BRD7: variants seen among roughly 807,000 people sequenced by gnomAD.
The protein encoded by BRD7 is bromodomain containing 7.
BRD7 carries 15 observed loss-of-function variants against 82.1 expected under a neutral mutation model. The observed-to-expected ratio is 0.18, with a 90% confidence interval of 0.12 to 0.28. The LOEUF is 0.28. Ranked by LOEUF, BRD7 falls within the 10% of genes least tolerant of loss-of-function variation. The probability of loss-of-function intolerance (pLI) is 1.00; values close to 1 mark genes in which losing one functional copy is unlikely to be tolerated. For synonymous variants in BRD7, 232 were observed against 266.9 expected, an observed-to-expected ratio of 0.87 and a Z score of 1.27; for missense variants, 638 against 779.9, an observed-to-expected ratio of 0.82 and a Z score of 2.17.
At position 50,368,642 on chromosome 16, in the gene BRD7, G is replaced by T. The variant is rs1477999082; in HGVS notation, c.49+84C>A. The T allele has an allele frequency of 5.5e-6, 8 of 1,447,534 alleles. No individual in the cohort carries two copies. In the African/African-American group the frequency reaches 1.2e-4, roughly 21 times the overall value. 89.7% of individuals were successfully genotyped at this position (1,447,534 alleles called of 1,614,324 possible). A position where few individuals can be genotyped will look rare whatever the true frequency, so the allele number is the denominator to read the frequency against. Reference sequence around the variant, plus strand: ...CCTGCCGTGGGAAGGAAGGGCCCCGGGCCGCCCCGGAGCCACTGGGAAAGA... The same window carrying T: ...CCTGCCGTGGGAAGGAAGGGCCCCGTGCCGCCCCGGAGCCACTGGGAAAGA... On this transcript the variant is annotated intron_variant, in intron 1 of 16. Transcript: ENST00000394688.
At chr16:50,349,018 G>C (rs544268082) in intron 5 of BRD7, 29 of 152,612 alleles carry the variant, frequency 1.9e-4, no homozygotes, top group Admixed American at 9.8e-4. Flanking sequence ...AATGTCCAAC[G>C]ATGATAGACT....
rs764168170 is a variant in BRD7, at chr16:50,323,603, A to G, written c.1427T>C (p.Leu476Pro). 1 of 1,611,244 alleles carries G rather than the reference A, an allele frequency of 6.2e-7. No individual in the cohort carries two copies. The highest frequency in any genetic ancestry group is 1.1e-5 in the South Asian group (1 of 91,032). Residue 476 changes from leucine (L) to proline (P), a missense_variant, in exon 12 of 17, where the codon CTA (leucine) becomes CCA (proline). Physicochemically the swap from Leu to Pro is moderately conservative, Grantham distance 98 (BLOSUM62 -3). Transcript: ENST00000394688. Reference protein sequence around the residue: ...VLTKGGHSRTLQEMEMSLPED... With the variant: ...VLTKGGHSRTPQEMEMSLPED... ...TGTTCTTACCATCTCCATCTCTTGT[A>G]GGGTCCTGGAATGCCCTCCTTTTGT...
At chr16:50,359,248 C>T (rs1276980480) in intron 2 of BRD7, among the ~76,000 whole-genome samples, 3 of 152,146 alleles carry the variant, frequency 2.0e-5, no homozygotes, top group Admixed American at 6.5e-5. Context: ...ATTCTGGCCT[C>T]GTCACTAGTA....
rs560089245 is a variant in BRD7, at chr16:50,320,133, AAAC to A, written c.1757-106_1757-104del. On this transcript the variant is annotated intron_variant, in intron 15 of 16. Coordinates refer to ENST00000394688, the MANE Select transcript of BRD7 (RefSeq NM_013263.5). The stretch of plus-strand genomic sequence containing the variant: ...CACATGCAAAGAAAACAAAACAAAA[AAAC>A]TGTCCCTGGGATTCACATCAGCATT... The A allele has an allele frequency of 1.0e-3, 1,273 of 1,238,760 alleles. 21 individuals carry two copies. In the South Asian group the frequency reaches 0.017, roughly 17 times the overall value. 76.7% of individuals were successfully genotyped at this position (1,238,760 alleles called of 1,614,324 possible). A position where few individuals can be genotyped will look rare whatever the true frequency, so the allele number is the denominator to read the frequency against.
At chr16:50,331,432 T>G (rs2037561117) in intron 8 of BRD7, among the ~76,000 whole-genome samples, 1 of 152,240 alleles carries the variant, frequency 6.6e-6, no homozygotes, top group South Asian at 2.1e-4. Flanking sequence ...CTGGGCACGG[T>G]GGCTCATGTC....
rs969359833 is a variant in BRD7 at position 50,316,561 on chromosome 16, C to T, written c.*2650G>A. ...CAGCTAACTCTGGAGAGCTTCAAAACTAGAAGGATCTACTCCGCATGGGTG... is the reference window on the plus strand; with the variant it reads ...CAGCTAACTCTGGAGAGCTTCAAAATTAGAAGGATCTACTCCGCATGGGTG... On this transcript the variant is annotated 3_prime_UTR_variant, in exon 17 of 17. Transcript: ENST00000394688. 2.6e-5 allele frequency: 4 copies of T among 152,340 alleles called. No individual in the cohort carries two copies. The highest frequency in any genetic ancestry group is 9.7e-5 in the African/African-American group (4 of 41,442). 9.4% of individuals were successfully genotyped at this position (152,340 alleles called of 1,614,324 possible).
At chr16:50,320,845 C>G in intron 13 of BRD7, 71 bp from the exon 14 acceptor site, 1 of 1,029,962 alleles carries the variant, frequency 9.7e-7, no homozygotes, top group African/African-American at 1.6e-5. Flanking sequence ...AGAAATTACT[C>G]AGATGGCATG....
Position 50,320,442 on chromosome 16 carries a change from C to T in BRD7, c.1613-51G>A, listed in dbSNP as rs757871384. Reference sequence around the variant, plus strand: ...TTCTGTTTGATCTTGTGCAGTAAACCGAATCCTAGGCTCTAGGGCTTTGCT... The same window carrying T: ...TTCTGTTTGATCTTGTGCAGTAAACTGAATCCTAGGCTCTAGGGCTTTGCT... On this transcript the variant is annotated intron_variant, in intron 14 of 16. Coordinates refer to ENST00000394688, the MANE Select transcript of BRD7 (RefSeq NM_013263.5). 26 of 1,591,110 alleles carry T rather than the reference C, an allele frequency of 1.6e-5. 1 individual carries two copies. Among genetic ancestry groups the T allele is most frequent in the South Asian group, 5.7e-5 (5 of 87,780 alleles).
chr16:50,336,397 A>G (rs1188745415), intron 6 of BRD7, among the ~76,000 whole-genome samples: 1 of 152,174 alleles, frequency 6.6e-6, no homozygotes, highest in Admixed American at 6.5e-5. Context: ...TTACATACTA[A>G]TTTACATTAG....
chr16:50,345,095 G>C (rs1392363778), intron 5 of BRD7, among the ~76,000 whole-genome samples: 2 of 152,226 alleles, frequency 1.3e-5, no homozygotes, highest in African/African-American at 2.4e-5. Context: ...TAAGCCAGAA[G>C]AGAGTGGGAG....
At chr16:50,329,565 T>C (rs1278472388) in intron 8 of BRD7, among the ~76,000 whole-genome samples, 1 of 152,282 alleles carries the variant, frequency 6.6e-6, no homozygotes, top group South Asian at 2.1e-4. Context: ...CACTTCCTCG[T>C]TGAGTGGTAT....
intron 2 of BRD7, 93 bp from the exon 3 acceptor site, chr16:50,355,015 T>C: frequency 7.2e-7 from 1 of 1,394,658 alleles, no homozygotes; most frequent in Non-Finnish European, 9.8e-7. Flanking sequence ...GACATCATTG[T>C]AAAGAAAATA....
intron 5 of BRD7, among the ~76,000 whole-genome samples, chr16:50,342,883 C>T (rs2038127458): frequency 6.6e-6 from 1 of 151,930 alleles, no homozygotes; most frequent in Non-Finnish European, 1.5e-5. Flanking sequence ...CGGTTGAATA[C>T]ATAGTAAATT....
chr16:50,351,649 C>T (rs2038528015), intron 4 of BRD7, among the ~76,000 whole-genome samples: 1 of 152,212 alleles, frequency 6.6e-6, no homozygotes, highest in South Asian at 2.1e-4. Context: ...CTAATCAAAA[C>T]AGTGTGGCTC....
intron 2 of BRD7, 34 bp downstream of exon 2, chr16:50,368,056 G>C (rs1465180442): frequency 6.2e-7 from 1 of 1,607,592 alleles, no homozygotes; most frequent in East Asian, 2.2e-5. Flanking sequence ...AGGCAGTGCC[G>C]TCCGCAAAGC....
chr16:50,338,573 T>C (rs966217662), intron 6 of BRD7, among the ~76,000 whole-genome samples: 5 of 152,234 alleles, frequency 3.3e-5, no homozygotes, highest in Admixed American at 2.0e-4. Context: ...GCTCAAGCTC[T>C]GGACTCTGAT....
chr16:50,334,991 T>A, intron 6 of BRD7, 96 bp from the exon 7 acceptor site: 1 of 1,213,534 alleles, frequency 8.2e-7, no homozygotes. Flanking sequence ...TATCCTGTCA[T>A]TAACCAGGGA....
At chr16:50,351,307 A>T (rs947653636) in intron 4 of BRD7, among the ~76,000 whole-genome samples, 1 of 152,254 alleles carries the variant, frequency 6.6e-6, no homozygotes, top group African/African-American at 2.4e-5. Context: ...AATCTGACTC[A>T]GGTCTATGTG....
At chr16:50,363,660 T>TGTGTGTGTGTGTGCGC (rs138025982) in intron 2 of BRD7, among the ~76,000 whole-genome samples, 15 of 102,400 alleles carry the variant, frequency 1.5e-4, no homozygotes, top group Admixed American at 5.8e-4. Context: ...TGTGTGTGTG[T>TGTGTGTGTGTGTGCGC]GCGCGCGCGC....
Sources: gnomAD v4.1 joint callset for allele counts (sites outside exome capture counted in the v4.1 genomes callset) on GRCh38, gnomAD v4.1.1 for gene constraint, MANE v1.5 for transcripts, NCBI Gene and HGNC (gene_info 2026-07-23, HGNC 2026-07-21) for gene names.